Variants in B3GALNT2 observed in about 807,000 individuals in gnomAD.
B3GALNT2 encodes the protein beta-1,3-N-acetylgalactosaminyltransferase 2, also known as UDP-GalNAc:beta-1,3-N-acetylgalactosaminyltransferase 2.
B3GALNT2 carries 53 observed loss-of-function variants against 61.1 expected under a neutral mutation model. The observed-to-expected ratio is 0.87, with a 90% CI of 0.70 to 1.09. B3GALNT2 has a LOEUF of 1.09. Ranked by LOEUF, B3GALNT2 falls within the 50% of genes least tolerant of loss-of-function variation. The pLI, the probability that B3GALNT2 is intolerant of heterozygous loss-of-function variation, is 0.00. For synonymous variants in B3GALNT2, 223 were observed against 237.4 expected, an observed-to-expected ratio of 0.94 and a Z score of 0.56; for missense variants, 544 against 623.0, an observed-to-expected ratio of 0.87 and a Z score of 1.35.
chr1:235,492,606 C>T (rs1685120167), intron 2 of B3GALNT2, among the ~76,000 whole-genome samples: 1 of 152,112 alleles, frequency 6.6e-6, no homozygotes, highest in South Asian at 2.1e-4. Flanking sequence ...CCTGAAGCCC[C>T]AATGCTCATG....
chr1:235,502,117 A>AT (rs1200609571), intron 1 of B3GALNT2, among the ~76,000 whole-genome samples: 1 of 152,164 alleles, frequency 6.6e-6, no homozygotes, highest in Non-Finnish European at 1.5e-5. Context: ...GGTTCAAGTG[A>AT]TTCTCCTGCC....
Position 235,450,222 on chromosome 1 carries a change from C to G in B3GALNT2, c.1487G>C (p.Arg496Pro), listed in dbSNP as rs111541487. ...AAGTCCCTGTTATCTTGCTTGACAT[C>G]GACAAGGATCACCGCACCGTTCCTT... ...KLKERCGDPC[R>P]CQAR Residue 496 changes from arginine (R) to proline (P), a missense_variant, in exon 12 of 12, where the codon CGA (arginine) becomes CCA (proline). Physicochemically the swap from Arg to Pro is moderately radical, Grantham distance 103. Coordinates refer to ENST00000366600, the MANE Select transcript of B3GALNT2 (RefSeq NM_152490.5). 4 of 1,613,984 alleles carry G rather than the reference C, an allele frequency of 2.5e-6. No homozygotes were observed. The highest frequency in any genetic ancestry group is 1.3e-5 in the African/African-American group (1 of 74,914).
intron 5 of B3GALNT2, among the ~76,000 whole-genome samples, chr1:235,477,038 A>G (rs912059048): frequency 6.6e-6 from 1 of 151,632 alleles, no homozygotes; most frequent in Non-Finnish European, 1.5e-5. Context: ...AAAAAAAAAA[A>G]TAAGTAAATA....
chr1:235,472,592 C>A (rs1425900178), intron 5 of B3GALNT2, among the ~76,000 whole-genome samples: 11 of 152,206 alleles, frequency 7.2e-5, no homozygotes. Context: ...CAGGAAGGAG[C>A]TTGCCTGATC....
chr1:235,458,619 A>G lies in B3GALNT2; in HGVS notation c.1009T>C (p.Leu337=), dbSNP rs1037993999. Residue 337 remains leucine, a synonymous_variant, in exon 8 of 12, where the codon TTG becomes CTG. Coordinates refer to ENST00000366600, the MANE Select transcript of B3GALNT2 (RefSeq NM_152490.5). ...ACAACCTACCATCTATAGAAGTTCA[A>G]TAATTTTGCAGGAACATTACGATAA... ...DTYRNVPAKL[L]NFYRWTVETT... 5 of 1,605,674 alleles carry G rather than the reference A, an allele frequency of 3.1e-6. No homozygotes were observed. Among genetic ancestry groups the G allele is most frequent in the Non-Finnish European group, 3.4e-6 (4 of 1,177,592 alleles).
chr1:235,499,382 GTTC>G (rs1160625663), intron 1 of B3GALNT2, among the ~76,000 whole-genome samples: 5 of 152,024 alleles, frequency 3.3e-5, no homozygotes, highest in South Asian at 2.1e-4. Flanking sequence ...AGTTGGGTGT[GTTC>G]AATTTGTGAA....
At chr1:235,501,531 C>T (rs1685580640) in intron 1 of B3GALNT2, among the ~76,000 whole-genome samples, 1 of 152,186 alleles carries the variant, frequency 6.6e-6, no homozygotes, top group Non-Finnish European at 1.5e-5. Flanking sequence ...CTCTGTCTTC[C>T]CTTCTAAATT....
At position 235,484,783 on chromosome 1, in the gene B3GALNT2, A is replaced by G. The variant is rs533735109; in HGVS notation, c.362-268T>C. On this transcript the variant is annotated intron_variant, in intron 3 of 11. Coordinates refer to ENST00000366600, the MANE Select transcript of B3GALNT2 (RefSeq NM_152490.5). ...GCTTTTTGCATAAATGTGTGCATATATATGTATAAACGCCACAGGAGATAT... is the reference window on the plus strand; with the variant it reads ...GCTTTTTGCATAAATGTGTGCATATGTATGTATAAACGCCACAGGAGATAT... 14 of 429,802 alleles carry G rather than the reference A, an allele frequency of 3.3e-5. No individual in the cohort carries two copies. In the South Asian group the frequency reaches 6.1e-4, roughly 19 times the overall value. The allele number at this position is 429,802 out of a possible 1,614,324, so 26.6% of individuals were successfully genotyped here.
rs1357329816 is a variant in B3GALNT2, at chr1:235,474,969, ATATATATATATATATATATTTTTTTTTT to A, written c.652-4037_652-4010del. On this transcript the variant is annotated intron_variant, in intron 5 of 11. Coordinates refer to ENST00000366600, the MANE Select transcript of B3GALNT2 (RefSeq NM_152490.5). ...TAGAGACATATATATATATATATAT[ATATATATATATATATATATTTTTTTTTT>A]TTTTTTTTTTTTTGAGACGGAGTCT... is the stretch of plus-strand genomic sequence containing the variant. 8.0e-3 allele frequency among the ~76,000 whole-genome samples: 231 copies of A among 28,772 alleles called. 5 individuals are homozygous for A. The highest frequency in any genetic ancestry group is 0.044 in the African/African-American group (228 of 5,156). 18.9% of individuals were successfully genotyped at this position (28,772 alleles called of 152,430 possible).
chr1:235,450,568 T>C, intron 11 of B3GALNT2: 1 of 496,468 alleles, frequency 2.0e-6, no homozygotes, highest in Non-Finnish European at 3.6e-6. Context: ...AGGCGGTGTG[T>C]GGATGAAGAG....
intron 3 of B3GALNT2, among the ~76,000 whole-genome samples, chr1:235,487,308 T>C (rs141819362): frequency 1.3e-5 from 2 of 152,348 alleles, no homozygotes; most frequent in East Asian, 1.9e-4. Flanking sequence ...CAGACCTGAA[T>C]ATATTGTCCA....
At chr1:235,475,437 G>C (rs61836205) in intron 5 of B3GALNT2, among the ~76,000 whole-genome samples, 112,417 of 151,584 alleles carry the variant, frequency 0.74, 42,874 homozygotes, top group African/African-American at 0.93. Flanking sequence ...AGCTATACTG[G>C]GGACATGTGA....
chr1:235,504,169 G>C lies in B3GALNT2; in HGVS notation c.84C>G (p.Pro28=). The C allele has an allele frequency of 7.7e-7, 1 of 1,295,128 alleles. No individual in the cohort carries two copies. Among genetic ancestry groups the C allele is most frequent in the Non-Finnish European group, 9.7e-7 (1 of 1,027,166 alleles). 80.2% of individuals were successfully genotyped at this position (1,295,128 alleles called of 1,614,324 possible). Reference sequence around the variant, plus strand: ...CAGGGCCGGCCCCGGAGGCGCAGGCGGGCGGCGGGGAGCGCAGCCGCAGCC... The same window carrying C: ...CAGGGCCGGCCCCGGAGGCGCAGGCCGGCGGCGGGGAGCGCAGCCGCAGCC... ...HLWLRLRSPP[P]ACASGAGPAD... The change falls in exon 1 of 12, where the codon CCC becomes CCG. Residue 28 remains proline, a synonymous_variant. Transcript: ENST00000366600.
chr1:235,458,100 G>T (rs1054054948), intron 8 of B3GALNT2, among the ~76,000 whole-genome samples: 3 of 151,828 alleles, frequency 2.0e-5, no homozygotes, highest in Non-Finnish European at 4.4e-5. Context: ...TAGAAACAGG[G>T]TTTCACCATG....
chr1:235,502,610 T>C (rs1176435270), intron 1 of B3GALNT2, among the ~76,000 whole-genome samples: 1 of 152,230 alleles, frequency 6.6e-6, no homozygotes, highest in Non-Finnish European at 1.5e-5. Flanking sequence ...AAAGGCATCA[T>C]CCTTCAAGTG....
rs1685239609 is a variant in B3GALNT2, at chr1:235,494,782, C to A, written c.159G>T (p.Val53=). The change falls in exon 2 of 12, where the codon GTG becomes GTT. Residue 53 remains valine, a synonymous_variant. Coordinates refer to ENST00000366600, the MANE Select transcript of B3GALNT2 (RefSeq NM_152490.5). ...TGCGAGCTGACAACACGCCAACTACCACATCATAGTGAGTAGATTTCCACT... is the reference window on the plus strand; with the variant it reads ...TGCGAGCTGACAACACGCCAACTACAACATCATAGTGAGTAGATTTCCACT... ...FPQWKSTHYD[V]VVGVLSARNN... 5.0e-6 allele frequency: 8 copies of A among 1,611,152 alleles called. No individual in the cohort carries two copies. Among genetic ancestry groups the A allele is most frequent in the African/African-American group, 1.3e-5 (1 of 74,840 alleles).
chr1:235,493,767 C>T (rs1422679311), intron 2 of B3GALNT2, among the ~76,000 whole-genome samples: 1 of 151,316 alleles, frequency 6.6e-6, no homozygotes, highest in Admixed American at 6.6e-5. Context: ...GACAGCAAAA[C>T]TCCATCTCAA....
At chr1:235,440,559 A>AT in the B3GALNT2 span, among the ~76,000 whole-genome samples, 2 of 151,770 alleles carry the variant, frequency 1.3e-5, no homozygotes, top group South Asian at 2.1e-4. Flanking sequence ...TGCCCGGCTA[A>AT]TTTTTTGTAT....
At chr1:235,504,024 G>T in intron 1 of B3GALNT2, 117 bp downstream of exon 1, 2 of 1,080,130 alleles carry the variant, frequency 1.9e-6, no homozygotes, top group Non-Finnish European at 2.3e-6. Context: ...TTCGTCTGGG[G>T]ACCGTCGCGT....
Sources: gnomAD v4.1 joint callset for allele counts (sites outside exome capture counted in the v4.1 genomes callset) on GRCh38, gnomAD v4.1.1 for gene constraint, MANE v1.5 for transcripts, NCBI Gene and HGNC (gene_info 2026-07-23, HGNC 2026-07-21) for gene names.